The following PEX3 variants were observed in gnomAD, a reference collection of about 807,000 sequenced individuals.
PEX3 encodes the protein peroxisomal biogenesis factor 3, also known as peroxin-3.
A neutral mutation model predicts 55.8 loss-of-function variants in PEX3; 30 were observed. That is an observed-to-expected ratio of 0.54 (90% CI 0.40 to 0.73). The LOEUF is 0.73. PEX3 is among the 30% of genes least tolerant of loss of function. The pLI is 0.00. For synonymous variants in PEX3, 135 were observed against 148.4 expected (o/e 0.91, Z 0.66); for missense variants, 351 against 432.8 (o/e 0.81, Z 1.68).
rs1780325954 is a variant in PEX3, at chr6:143,486,580, A to G, written c.1038+1332A>G. 6.6e-6 allele frequency among the ~76,000 whole-genome samples: 1 copy of G among 152,196 alleles called. No homozygotes were observed. Among genetic ancestry groups the G allele is most frequent in the South Asian group, 2.1e-4 (1 of 4,834 alleles). ...ACCATTGATTGACAAGGCTATTACAATTATAGTTTAATTTTTTAAACTATA... is the reference window on the plus strand; with the variant it reads ...ACCATTGATTGACAAGGCTATTACAGTTATAGTTTAATTTTTTAAACTATA... On this transcript the variant is annotated intron_variant, in intron 11 of 11. Transcript: ENST00000367591. This position sits in a 1 kb window ranked among gnomAD's most constrained non-coding sequence, Gnocchi z 5.0.
chr6:143,460,733 G>A (rs192385370), intron 2 of PEX3, among the ~76,000 whole-genome samples: 25 of 152,000 alleles, frequency 1.6e-4, no homozygotes, highest in African/African-American at 5.8e-4. Context: ...GCGTGGTGTT[G>A]CATGCCTGTA....
At chr6:143,461,440 A>G (rs1562651837) in intron 2 of PEX3, among the ~76,000 whole-genome samples, 2 of 152,342 alleles carry the variant, frequency 1.3e-5, no homozygotes, top group African/African-American at 4.8e-5. Flanking sequence ...AAGAGCCAAA[A>G]TATAGGTTCA....
chr6:143,459,328 G>A lies in PEX3; in HGVS notation c.205+112G>A, dbSNP rs545908578. ...AGGCAAAGAAAAGATGGTAAATCTA[G>A]CAAGTGTTTGAATGATTTAACTGAA... On this transcript the variant is annotated intron_variant, in intron 2 of 11. Transcript: ENST00000367591. The surrounding 1 kb of genome is among the most constrained non-coding windows in gnomAD (Gnocchi z 4.2). 5.6e-6 allele frequency: 5 copies of A among 889,916 alleles called. No homozygotes were observed. In the East Asian group the frequency reaches 1.2e-4, roughly 22 times the overall value. 55.1% of individuals were successfully genotyped at this position (889,916 alleles called of 1,614,324 possible).
rs1780197039 is a variant in PEX3 at position 143,479,273 on chromosome 6, G to A, written c.941+75G>A. 4 of 1,171,762 alleles carry A rather than the reference G, an allele frequency of 3.4e-6. No homozygotes were observed. The Admixed American group carries it at 5.2e-5, about 15-fold the overall frequency. 72.6% of individuals were successfully genotyped at this position (1,171,762 alleles called of 1,614,324 possible). On this transcript the variant is annotated intron_variant, in intron 10 of 11. Transcript: ENST00000367591. This position sits in a 1 kb window ranked among gnomAD's most constrained non-coding sequence, Gnocchi z 4.6. The stretch of plus-strand genomic sequence containing the variant: ...GTGCTTTGCTTGTCTTTTTGTTCCA[G>A]ATAACAACAACAAACCTATTAAATT...
Position 143,464,079 on chromosome 6 carries a change from G to C in PEX3, c.287+1082G>C, listed in dbSNP as rs1779959973. Among the ~76,000 whole-genome samples, 1 of 151,910 alleles carries C rather than the reference G, an allele frequency of 6.6e-6. No individual in the cohort carries two copies. Among genetic ancestry groups the C allele is most frequent in the African/African-American group, 2.4e-5 (1 of 41,356 alleles). On this transcript the variant is annotated intron_variant, in intron 3 of 11. Coordinates refer to ENST00000367591, the MANE Select transcript of PEX3 (RefSeq NM_003630.3). This position sits in a 1 kb window ranked among gnomAD's most constrained non-coding sequence, Gnocchi z 5.8. The stretch of plus-strand genomic sequence containing the variant: ...CCTTCCTTCCTTCTTACAGATATAA[G>C]GTTTAGCTTATAAATTAGTTCATAC...
chr6:143,450,960 C>A lies in PEX3; in HGVS notation c.-83C>A. ...CGGGACGACGGCGCTCTTGCTGGGT[C>A]ATCTGGGCCAGGTGACGAAGAAACA... On this transcript the variant is annotated 5_prime_UTR_variant, in exon 1 of 12. Coordinates refer to ENST00000367591, the MANE Select transcript of PEX3 (RefSeq NM_003630.3). 1 of 1,032,530 alleles carries A rather than the reference C, an allele frequency of 9.7e-7. No homozygotes were observed. The highest frequency in any genetic ancestry group is 1.3e-5 in the South Asian group (1 of 79,482). 64.0% of individuals were successfully genotyped at this position (1,032,530 alleles called of 1,614,324 possible). A position where few individuals can be genotyped will look rare whatever the true frequency, so the allele number is the denominator to read the frequency against.
Position 143,488,639 on chromosome 6 carries a change from C to G in PEX3, c.1039-504C>G, listed in dbSNP as rs1225169753. ...AAGAAAATGAAGGTGTAATTTTTTT[C>G]TTATCTTCACATTCGCAAATCCCTT... On this transcript the variant is annotated intron_variant, in intron 11 of 11. Transcript: ENST00000367591. The surrounding 1 kb of genome is among the most constrained non-coding windows in gnomAD (Gnocchi z 4.9). Among the ~76,000 whole-genome samples the G allele has an allele frequency of 1.3e-5, 2 of 151,980 alleles. No homozygotes were observed. The highest frequency in any genetic ancestry group is 2.9e-5 in the Non-Finnish European group (2 of 67,932).
chr6:143,475,240 G>T lies in PEX3; in HGVS notation c.818+384G>T, dbSNP rs1231298765. ...CTTACTTGACCTTTCTCTGATATTTGACACTGCCTTTCTTGAAATTCTTTG... is the reference window on the plus strand; with the variant it reads ...CTTACTTGACCTTTCTCTGATATTTTACACTGCCTTTCTTGAAATTCTTTG... On this transcript the variant is annotated intron_variant, in intron 9 of 11. Transcript: ENST00000367591. This position sits in a 1 kb window ranked among gnomAD's most constrained non-coding sequence, Gnocchi z 4.4. Among the ~76,000 whole-genome samples, 1 of 152,128 alleles carries T rather than the reference G, an allele frequency of 6.6e-6. No individual in the cohort carries two copies. The highest frequency in any genetic ancestry group is 1.5e-5 in the Non-Finnish European group (1 of 68,022).
intron 10 of PEX3, among the ~76,000 whole-genome samples, chr6:143,484,034 AT>A (rs1780279837): frequency 1.3e-5 from 2 of 152,086 alleles, no homozygotes; most frequent in South Asian, 4.1e-4. Context: ...AAATCTCAGC[AT>A]AGCACACTGG....
rs1439021651 is a variant in PEX3, at chr6:143,475,944, G to A, written c.818+1088G>A. On this transcript the variant is annotated intron_variant, in intron 9 of 11. Coordinates refer to ENST00000367591, the MANE Select transcript of PEX3 (RefSeq NM_003630.3). This position sits in a 1 kb window ranked among gnomAD's most constrained non-coding sequence, Gnocchi z 4.4. ...TGGTATATTAGGTACTGTTCTAAATGCTAGGTCTTCATCCCTACTGGAATG... is the reference window on the plus strand; with the variant it reads ...TGGTATATTAGGTACTGTTCTAAATACTAGGTCTTCATCCCTACTGGAATG... Among the ~76,000 whole-genome samples the A allele has an allele frequency of 6.6e-6, 1 of 152,208 alleles. No individual in the cohort carries two copies. The highest frequency in any genetic ancestry group is 2.4e-5 in the African/African-American group (1 of 41,446).
chr6:143,452,127 CCAAA>C (rs1386499278), intron 1 of PEX3, among the ~76,000 whole-genome samples: 1 of 152,110 alleles, frequency 6.6e-6, no homozygotes, highest in Non-Finnish European at 1.5e-5. Flanking sequence ...TCTGTTCTCC[CCAAA>C]CAATTTGCAA....
At position 143,488,302 on chromosome 6, in the gene PEX3, C is replaced by G. The variant is rs1017978185; in HGVS notation, c.1039-841C>G. Among the ~76,000 whole-genome samples the G allele has an allele frequency of 6.6e-6, 1 of 152,060 alleles. No individual in the cohort carries two copies. Among genetic ancestry groups the G allele is most frequent in the African/African-American group, 2.4e-5 (1 of 41,416 alleles). ...GGACCCTTTCACAGACTGGTGAAGC[C>G]TATGGACCCCTTCTCAGAACAATAT... is the stretch of plus-strand genomic sequence containing the variant. On this transcript the variant is annotated intron_variant, in intron 11 of 11. Transcript: ENST00000367591. The surrounding 1 kb of genome is among the most constrained non-coding windows in gnomAD (Gnocchi z 4.9).
chr6:143,460,120 A>C (rs75363108), intron 2 of PEX3, among the ~76,000 whole-genome samples: 3 of 152,258 alleles, frequency 2.0e-5, no homozygotes, highest in Non-Finnish European at 2.9e-5. Context: ...GAAACAATTT[A>C]TAAAGGTACA....
chr6:143,481,917 A>G (rs1780246956), intron 10 of PEX3, among the ~76,000 whole-genome samples: 2 of 152,004 alleles, frequency 1.3e-5, no homozygotes, highest in African/African-American at 4.8e-5. Context: ...ACAGTGAGCT[A>G]TGATCATGCC....
intron 10 of PEX3, among the ~76,000 whole-genome samples, chr6:143,480,569 C>T (rs1470276028): frequency 1.3e-5 from 2 of 152,190 alleles, no homozygotes; most frequent in African/African-American, 4.8e-5. Context: ...TGTCTCTTTA[C>T]TCATACAAGG....
chr6:143,490,357 G>A lies in PEX3; in HGVS notation c.*1131G>A. 1 of 161,352 alleles carries A rather than the reference G, an allele frequency of 6.2e-6. No individual in the cohort carries two copies. Among genetic ancestry groups the A allele is most frequent in the South Asian group, 1.8e-4 (1 of 5,620 alleles). 10.0% of individuals were successfully genotyped at this position (161,352 alleles called of 1,614,324 possible). On this transcript the variant is annotated 3_prime_UTR_variant, in exon 12 of 12. Coordinates refer to ENST00000367591, the MANE Select transcript of PEX3 (RefSeq NM_003630.3). This position sits in a 1 kb window ranked among gnomAD's most constrained non-coding sequence, Gnocchi z 6.0. ...CGTAACATGTAGCTGAACAGTAGAAGGTAGAAAATAAATTATGACATCTCT... is the reference window on the plus strand; with the variant it reads ...CGTAACATGTAGCTGAACAGTAGAAAGTAGAAAATAAATTATGACATCTCT...
In PEX3 at chr6:143,482,267, T is replaced by A. The variant is rs1780251846; in HGVS notation, c.942-2885T>A. 6.6e-6 allele frequency among the ~76,000 whole-genome samples: 1 copy of A among 152,146 alleles called. No individual in the cohort carries two copies. The highest frequency in any genetic ancestry group is 2.4e-5 in the African/African-American group (1 of 41,434). On this transcript the variant is annotated intron_variant, in intron 10 of 11. Coordinates refer to ENST00000367591, the MANE Select transcript of PEX3 (RefSeq NM_003630.3). This position sits in a 1 kb window ranked among gnomAD's most constrained non-coding sequence, Gnocchi z 5.5. Reference sequence around the variant, plus strand: ...ACAATTTACTGAGTGTTCTTACCATTTTAATAAACTGTTAGTTGACCGTTG... The same window carrying A: ...ACAATTTACTGAGTGTTCTTACCATATTAATAAACTGTTAGTTGACCGTTG...
intron 1 of PEX3, among the ~76,000 whole-genome samples, chr6:143,456,937 CTT>C (rs1401786826): frequency 6.6e-6 from 1 of 152,186 alleles, no homozygotes; most frequent in Non-Finnish European, 1.5e-5. Flanking sequence ...AATGTACACA[CTT>C]ATATCATACT....
chr6:143,471,857 G>T lies in PEX3; in HGVS notation c.578+246G>T, dbSNP rs545426873. 6.6e-6 allele frequency among the ~76,000 whole-genome samples: 1 copy of T among 152,070 alleles called. No homozygotes were observed. Among genetic ancestry groups the T allele is most frequent in the East Asian group, 1.9e-4 (1 of 5,172 alleles). ...GATTTCATACAAATCAGAAATATTTGGGTCATGAGATAAAAGACCTACTTT... is the reference window on the plus strand; with the variant it reads ...GATTTCATACAAATCAGAAATATTTTGGTCATGAGATAAAAGACCTACTTT... On this transcript the variant is annotated intron_variant, in intron 7 of 11. Coordinates refer to ENST00000367591, the MANE Select transcript of PEX3 (RefSeq NM_003630.3). This position sits in a 1 kb window ranked among gnomAD's most constrained non-coding sequence, Gnocchi z 5.4.
Sources: gnomAD v4.1 joint callset for allele counts (sites outside exome capture counted in the v4.1 genomes callset) on GRCh38, gnomAD v4.1.1 for gene constraint, Gnocchi (gnomAD v3.1) non-coding constraint, MANE v1.5 for transcripts, NCBI Gene and HGNC (gene_info 2026-07-23, HGNC 2026-07-21) for gene names.